The following NUP153 variants were observed in gnomAD, a reference collection of about 807,000 sequenced individuals.
NUP153 encodes the protein nuclear pore complex protein Nup153.
Under a neutral mutation model 134.6 loss-of-function variants are expected in NUP153, and 27 were observed. The observed-to-expected ratio is 0.20, with a 90% CI of 0.15 to 0.28. The LOEUF is 0.28. Among genes scored for constraint, NUP153 ranks in the 10% least tolerant of loss-of-function variants. The pLI, the probability that NUP153 is intolerant of heterozygous loss-of-function variation, is 1.00. For synonymous variants in NUP153, 640 were observed against 623.5 expected (o/e 1.03, Z -0.40); for missense variants, 1,821 against 1,731.3 (o/e 1.05, Z -0.92).
At chr6:17,683,949 G>A (rs1052271271) in intron 2 of NUP153, among the ~76,000 whole-genome samples, 1 of 152,144 alleles carries the variant, frequency 6.6e-6, no homozygotes, top group Non-Finnish European at 1.5e-5. Flanking sequence ...GGTCATGGGG[G>A]CAGATTCCTC....
In NUP153 at chr6:17,625,928, C is replaced by T. The variant is rs1318056073; in HGVS notation, c.3781G>A (p.Ala1261Thr). Reference protein sequence around the residue: ...SLLFSQDSKLATTSSTGTAVT... With the variant: ...SLLFSQDSKLTTTSSTGTAVT... ...GCTGTACCTGTGCTGGATGTGGTTG[C>T]TAGTTTGCTATCTTGAGAAAATAGC... Residue 1261 changes from alanine (A) to threonine (T), a missense_variant, in exon 19 of 22, where the codon GCA becomes ACA. Transcript: ENST00000262077. This position sits in a 1 kb window ranked among gnomAD's most constrained non-coding sequence, Gnocchi z 4.7. 3.7e-6 allele frequency: 6 copies of T among 1,614,070 alleles called. No individual in the cohort carries two copies. The Middle Eastern group carries it at 6.6e-4, about 177-fold the overall frequency.
In NUP153 at chr6:17,632,786, G is replaced by A. The variant is rs938633475; in HGVS notation, c.2523C>T (p.Gly841=). The change falls in exon 17 of 22, where the codon GGC becomes GGT. Residue 841 remains glycine, a synonymous_variant. Transcript: ENST00000262077. ...TCTTGAACTTTTCCAATCCTAGAGA[G>A]CCTCCAGAAGGCAGAGAGACAGGTA... ...STVPVSLPSG[G]SLGLEKFKKP... is the part of the protein sequence containing the mutation. 6.7e-7 allele frequency: 1 copy of A among 1,483,136 alleles called. No homozygotes were observed. Among genetic ancestry groups the A allele is most frequent in the Admixed American group, 1.8e-5 (1 of 55,408 alleles). The allele number at this position is 1,483,136 out of a possible 1,614,324, so 91.9% of individuals were successfully genotyped here.
At chr6:17,658,638 T>C (rs1474562271) in intron 11 of NUP153, among the ~76,000 whole-genome samples, 1 of 152,180 alleles carries the variant, frequency 6.6e-6, no homozygotes, top group African/African-American at 2.4e-5. Flanking sequence ...TCTATGGTCA[T>C]TCACCATTTG....
chr6:17,630,816 A>C (rs943244829), intron 17 of NUP153, among the ~76,000 whole-genome samples: 1 of 145,986 alleles, frequency 6.8e-6, no homozygotes, highest in Non-Finnish European at 1.5e-5. Context: ...AGAGGAGAGA[A>C]GAGAAAAGAG....
chr6:17,686,643 C>T (rs1204634249), intron 2 of NUP153, among the ~76,000 whole-genome samples: 1 of 151,492 alleles, frequency 6.6e-6, no homozygotes, highest in East Asian at 1.9e-4. Flanking sequence ...GATCCACCCA[C>T]CTCGGCCTCC....
intron 17 of NUP153, among the ~76,000 whole-genome samples, chr6:17,631,783 G>A (rs1765268502): frequency 6.6e-6 from 1 of 152,040 alleles, no homozygotes; most frequent in Non-Finnish European, 1.5e-5. Context: ...TGGCTAACAT[G>A]GTGAAACCCC....
At chr6:17,702,335 G>A (rs1350251411) in intron 1 of NUP153, among the ~76,000 whole-genome samples, 4 of 152,060 alleles carry the variant, frequency 2.6e-5, no homozygotes, top group Non-Finnish European at 4.4e-5. Flanking sequence ...GTGAAACCCC[G>A]TCTCTGCTAA....
At chr6:17,669,125 C>A in intron 7 of NUP153, 97 bp from the exon 8 acceptor site, 1 of 1,064,372 alleles carries the variant, frequency 9.4e-7, no homozygotes, top group Non-Finnish European at 1.4e-6. Context: ...GTCGCCCAGG[C>A]TGGAGTGCAG....
At chr6:17,644,850 C>A (rs1019888373) in intron 14 of NUP153, among the ~76,000 whole-genome samples, 5 of 152,058 alleles carry the variant, frequency 3.3e-5, no homozygotes, top group Non-Finnish European at 2.9e-5. Flanking sequence ...CTTTGGGAGG[C>A]CGAGGCAGGC....
intron 14 of NUP153, among the ~76,000 whole-genome samples, chr6:17,643,457 A>C (rs1765963602): frequency 6.6e-6 from 1 of 152,074 alleles, no homozygotes; most frequent in East Asian, 1.9e-4. Context: ...GGGTGACAGA[A>C]TGTGCAACAC....
In NUP153 at chr6:17,629,406, T is replaced by C; in HGVS notation, c.2793A>G (p.Gly931=). The C allele has an allele frequency of 6.2e-7, 1 of 1,614,062 alleles. No individual in the cohort carries two copies. Among genetic ancestry groups the C allele is most frequent in the African/African-American group, 1.3e-5 (1 of 75,020 alleles). ...TGNFKFGDQG[G]FKIGVSSDSG... is the part of the protein sequence containing the mutation. ...AATCGGATGACACACCTATTTTGAA[T>C]CCTCCCTGATCTCCAAATTTAAAAT... is the stretch of plus-strand genomic sequence containing the variant. Residue 931 remains glycine, a synonymous_variant, in exon 18 of 22, where the codon GGA becomes GGG. Transcript: ENST00000262077.
At chr6:17,635,739 C>T (rs1170783304) in intron 16 of NUP153, among the ~76,000 whole-genome samples, 1 of 152,156 alleles carries the variant, frequency 6.6e-6, no homozygotes, top group East Asian at 1.9e-4. Flanking sequence ...ATCTATCTTC[C>T]GGTCTCCAAA....
At chr6:17,620,957 TTCA>T (rs1764617213) in intron 20 of NUP153, among the ~76,000 whole-genome samples, 1 of 152,184 alleles carries the variant, frequency 6.6e-6, no homozygotes, top group African/African-American at 2.4e-5. Flanking sequence ...TTGCTAACTA[TTCA>T]TCCAACAGGG....
rs114937587 is a variant in NUP153, at chr6:17,667,665, G to A, written c.1068+1310C>T. 8.9e-3 allele frequency among the ~76,000 whole-genome samples: 1,351 copies of A among 152,238 alleles called. 9 individuals carry two copies. The highest frequency in any genetic ancestry group is 0.014 in the Non-Finnish European group (937 of 68,016). On this transcript the variant is annotated intron_variant, in intron 8 of 21. Transcript: ENST00000262077. ...GGAGGTGGAGGTTGCAGTGAGCTGC[G>A]ACTGTGCCACTGCACACTCCAGCCT...
At chr6:17,673,428 C>T (rs533881198) in intron 5 of NUP153, among the ~76,000 whole-genome samples, 34 of 152,170 alleles carry the variant, frequency 2.2e-4, no homozygotes, top group Non-Finnish European at 3.8e-4. Flanking sequence ...AAAATATTCG[C>T]AAAACATATA....
At chr6:17,697,504 G>T (rs922103107) in intron 1 of NUP153, among the ~76,000 whole-genome samples, 31 of 152,310 alleles carry the variant, frequency 2.0e-4, no homozygotes, top group African/African-American at 7.5e-4. Context: ...TGGCCAACAT[G>T]GCGAAACCCT....
At chr6:17,645,934 C>T in intron 14 of NUP153, 133 bp downstream of exon 14, 2 of 440,798 alleles carry the variant, frequency 4.5e-6, no homozygotes, top group Non-Finnish European at 8.2e-6. Context: ...AATAATAGTG[C>T]CTGCTTGCTT....
chr6:17,664,986 G>C (rs1443656969), intron 9 of NUP153, among the ~76,000 whole-genome samples: 1 of 141,562 alleles, frequency 7.1e-6, no homozygotes, highest in Non-Finnish European at 1.5e-5. Context: ...CCGGGAGGCA[G>C]AGGTTGCAGT....
intron 1 of NUP153, among the ~76,000 whole-genome samples, chr6:17,705,310 T>G (rs576792532): frequency 1.3e-5 from 2 of 152,336 alleles, no homozygotes; most frequent in South Asian, 2.1e-4. Context: ...TCAATACTTC[T>G]AACAATCAAT....
Sources: gnomAD v4.1 joint callset for allele counts (sites outside exome capture counted in the v4.1 genomes callset) on GRCh38, gnomAD v4.1.1 for gene constraint, Gnocchi (gnomAD v3.1) non-coding constraint, MANE v1.5 for transcripts, NCBI Gene and HGNC (gene_info 2026-07-23, HGNC 2026-07-21) for gene names.